Variants in FHIT observed in about 807,000 individuals in gnomAD.
The protein encoded by FHIT is fragile histidine triad diadenosine triphosphatase.
Under a neutral mutation model 17.9 loss-of-function variants are expected in FHIT, and 19 were observed. That is an observed-to-expected ratio of 1.06 (90% CI 0.74 to 1.56). FHIT has a LOEUF of 1.56. FHIT is among the 40% of genes most tolerant of loss of function. The pLI, the probability that FHIT is intolerant of heterozygous loss-of-function variation, is 0.00. For synonymous variants in FHIT, 81 were observed against 69.7 expected (o/e 1.16, Z -0.81); for missense variants, 248 against 189.2 (o/e 1.31, Z -1.82).
chr3:60,464,549 CTCTT>C (rs1275935354), intron 5 of FHIT, among the ~76,000 whole-genome samples: 1 of 152,048 alleles, frequency 6.6e-6, no homozygotes, highest in Non-Finnish European at 1.5e-5. Context: ...CTTCTACTCT[CTCTT>C]TCCGTGAGCT....
At chr3:60,115,626 T>G (rs1704922190) in intron 5 of FHIT, among the ~76,000 whole-genome samples, 1 of 152,142 alleles carries the variant, frequency 6.6e-6, no homozygotes. Context: ...AAAGATTAGT[T>G]GTAAAACATT....
chr3:60,002,549 T>C lies in FHIT; in HGVS notation c.279+8822A>G, dbSNP rs185128036. Reference sequence around the variant, plus strand: ...GAAGGAGGGAAAGGATTCCTCACCATGTTTGGCCTGAGGGCCATTATAGAG... The same window carrying C: ...GAAGGAGGGAAAGGATTCCTCACCACGTTTGGCCTGAGGGCCATTATAGAG... On this transcript the variant is annotated intron_variant, in intron 7 of 9. Transcript: ENST00000492590. 9.2e-4 allele frequency among the ~76,000 whole-genome samples: 140 copies of C among 152,278 alleles called. 1 individual carries two copies. In the Middle Eastern group the frequency reaches 0.01, roughly 11 times the overall value.
chr3:60,243,461 C>G (rs2107577360), intron 5 of FHIT, among the ~76,000 whole-genome samples: 1 of 152,210 alleles, frequency 6.6e-6, no homozygotes, highest in South Asian at 2.1e-4. Context: ...ATGGGGAGAG[C>G]TTGACCTGTG....
chr3:61,205,672 T>G (rs893469193), intron 1 of FHIT, among the ~76,000 whole-genome samples: 9 of 152,354 alleles, frequency 5.9e-5, no homozygotes, highest in South Asian at 2.1e-4. Flanking sequence ...TGGGGTTGTT[T>G]TTGTCTTGTA....
At chr3:60,425,111 G>T (rs1385113882) in intron 5 of FHIT, among the ~76,000 whole-genome samples, 6 of 151,998 alleles carry the variant, frequency 3.9e-5, no homozygotes, top group Admixed American at 3.3e-4. Context: ...AAGGGAGGAT[G>T]GTTGCAACAC....
At chr3:59,861,589 C>A (rs1439531724) in intron 8 of FHIT, among the ~76,000 whole-genome samples, 1 of 152,162 alleles carries the variant, frequency 6.6e-6, no homozygotes, top group Non-Finnish European at 1.5e-5. Context: ...TGATAATGCA[C>A]AGATAAGGTC....
chr3:60,287,469 A>C (rs1441596866), intron 5 of FHIT, among the ~76,000 whole-genome samples: 7 of 152,204 alleles, frequency 4.6e-5, no homozygotes, highest in African/African-American at 7.2e-5. Context: ...ACACCCAGCC[A>C]AAATTTCTGT....
chr3:59,885,426 A>G (rs1188460197), intron 8 of FHIT, among the ~76,000 whole-genome samples: 1 of 150,894 alleles, frequency 6.6e-6, no homozygotes, highest in Non-Finnish European at 1.5e-5. Context: ...TCTAGAAAGT[A>G]CATGCTACCT....
At chr3:59,755,589 C>A (rs536300493) in intron 8 of FHIT, among the ~76,000 whole-genome samples, 1 of 152,162 alleles carries the variant, frequency 6.6e-6, no homozygotes, top group Admixed American at 6.5e-5. Flanking sequence ...CAGGGGAGGG[C>A]GGTGACTACT....
intron 5 of FHIT, among the ~76,000 whole-genome samples, chr3:60,072,705 C>T (rs1471662840): frequency 1.3e-5 from 2 of 152,150 alleles, no homozygotes; most frequent in African/African-American, 4.8e-5. Flanking sequence ...GTGTGGATCC[C>T]AAGCCTGTGC....
intron 1 of FHIT, among the ~76,000 whole-genome samples, chr3:61,216,724 G>A (rs2039687488): frequency 6.6e-6 from 1 of 152,138 alleles, no homozygotes; most frequent in Non-Finnish European, 1.5e-5. Flanking sequence ...ATTCACAATA[G>A]CAAAGACTTG....
At chr3:60,680,543 T>A (rs1244096767) in intron 4 of FHIT, among the ~76,000 whole-genome samples, 1 of 140,074 alleles carries the variant, frequency 7.1e-6, no homozygotes. Flanking sequence ...GTTTTTAAAA[T>A]CCAAATTTCA....
chr3:61,051,014 G>A (rs1035273070), intron 2 of FHIT, among the ~76,000 whole-genome samples: 1 of 152,102 alleles, frequency 6.6e-6, no homozygotes, highest in East Asian at 1.9e-4. Flanking sequence ...ACTCATACAC[G>A]TGCAGACAAA....
intron 5 of FHIT, among the ~76,000 whole-genome samples, chr3:60,501,883 G>A (rs577781335): frequency 1.3e-5 from 2 of 152,330 alleles, no homozygotes; most frequent in African/African-American, 4.8e-5. Context: ...GTACTTGTAG[G>A]AGTGAAGTAC....
chr3:60,690,474 T>C (rs904249129), intron 4 of FHIT: 1 of 570,882 alleles, frequency 1.8e-6, no homozygotes. Context: ...CGTCATCAAA[T>C]TTCTCCCTGT....
intron 5 of FHIT, among the ~76,000 whole-genome samples, chr3:60,178,779 G>T (rs1214013460): frequency 6.6e-6 from 1 of 152,078 alleles, no homozygotes; most frequent in Admixed American, 6.5e-5. Flanking sequence ...ATCAAATAAG[G>T]TAGGGAAATT....
chr3:60,730,070 C>A, intron 4 of FHIT: 2 of 502,310 alleles, frequency 4.0e-6, no homozygotes, highest in South Asian at 3.2e-5. Flanking sequence ...CTCTGGACTT[C>A]AAAAAATCTC....
rs147436903 is a variant in FHIT at position 60,268,770 on chromosome 3, G to A, written c.104-254618C>T. 1.2e-4 allele frequency among the ~76,000 whole-genome samples: 19 copies of A among 152,234 alleles called. 1 individual carries two copies. The highest frequency in any genetic ancestry group is 6.5e-5 in the Admixed American group (1 of 15,282). ...TCAGAACCTCTGAATATGCTTACAT[G>A]GGAAAGGGGCATTAAGGTTGCAGAT... On this transcript the variant is annotated intron_variant, in intron 5 of 9. Transcript: ENST00000492590.
chr3:60,423,550 G>C (rs536431606), intron 5 of FHIT, among the ~76,000 whole-genome samples: 3 of 152,226 alleles, frequency 2.0e-5, no homozygotes, highest in Admixed American at 2.0e-4. Flanking sequence ...TTAAAGAACA[G>C]CCTAAACTAA....
Sources: allele counts gnomAD v4.1 joint callset (sites outside exome capture counted in the v4.1 genomes callset), GRCh38; gene constraint gnomAD v4.1.1; transcripts MANE v1.5; gene names NCBI Gene and HGNC (gene_info 2026-07-23, HGNC 2026-07-21).